Variants in IL18R1 observed in about 807,000 individuals in gnomAD.
The protein encoded by IL18R1 is interleukin-18 receptor 1.
Under a neutral mutation model 48.5 loss-of-function variants are expected in IL18R1, and 40 were observed. The observed-to-expected ratio is 0.82, with a 90% confidence interval of 0.64 to 1.07. The LOEUF is 1.07. IL18R1 is among the 50% of genes least tolerant of loss of function. The pLI, the probability that IL18R1 is intolerant of heterozygous loss-of-function variation, is 0.00. For missense variants in IL18R1, 596 were observed against 633.7 expected (o/e 0.94, Z 0.64); for synonymous variants, 232 against 225.9 (o/e 1.03, Z -0.24).
chr2:102,371,703 G>C (rs566616442), intron 3 of IL18R1, among the ~76,000 whole-genome samples: 50 of 152,194 alleles, frequency 3.3e-4, no homozygotes, highest in African/African-American at 9.4e-4. Flanking sequence ...GCGTGTGTGC[G>C]TGTGCATGTG....
intron 2 of IL18R1, among the ~76,000 whole-genome samples, chr2:102,363,617 T>G (rs559333821): frequency 1.3e-5 from 2 of 152,140 alleles, no homozygotes; most frequent in Non-Finnish European, 2.9e-5. Flanking sequence ...GGACATACAC[T>G]AATAGCCTTA....
At chr2:102,389,554 G>A (rs1242720179) in intron 8 of IL18R1, among the ~76,000 whole-genome samples, 2 of 152,202 alleles carry the variant, frequency 1.3e-5, no homozygotes, top group Non-Finnish European at 2.9e-5. Context: ...TGTAAGTGAA[G>A]CAGTTAGTAT....
chr2:102,387,992 G>C (rs1680337661), intron 8 of IL18R1, among the ~76,000 whole-genome samples: 1 of 152,090 alleles, frequency 6.6e-6, no homozygotes, highest in Non-Finnish European at 1.5e-5. Flanking sequence ...ATGAAGGGAT[G>C]CAAATACAGA....
intron 5 of IL18R1, among the ~76,000 whole-genome samples, chr2:102,376,682 TGGTGGGAGGGGAGGGATGATGGA>T: frequency 6.6e-6 from 1 of 152,076 alleles, no homozygotes; most frequent in African/African-American, 2.4e-5. Flanking sequence ...ACTGATGTGC[TGGTGGGAGGGGAGGGATGATGGA>T]CCCAGGCTGT....
At chr2:102,374,721 C>T (rs6731154) in intron 4 of IL18R1, among the ~76,000 whole-genome samples, 117,188 of 151,350 alleles carry the variant, frequency 0.77, 46,348 homozygotes, top group African/African-American at 0.89. Context: ...GAGGTTGCAG[C>T]GAGCCGAGAC....
intron 9 of IL18R1, among the ~76,000 whole-genome samples, chr2:102,393,571 A>G (rs931947641): frequency 9.2e-5 from 14 of 152,228 alleles, no homozygotes; most frequent in Non-Finnish European, 1.9e-4. Flanking sequence ...ACATAGATCT[A>G]GAATGGTTTT....
intron 7 of IL18R1, among the ~76,000 whole-genome samples, chr2:102,386,594 C>T (rs1228608437): frequency 6.6e-6 from 1 of 152,210 alleles, no homozygotes; most frequent in East Asian, 1.9e-4. Flanking sequence ...ATATTTTCAA[C>T]TTAGCATCAT....
At chr2:102,389,486 G>T (rs770079951) in intron 8 of IL18R1, among the ~76,000 whole-genome samples, 13 of 152,148 alleles carry the variant, frequency 8.5e-5, no homozygotes, top group Non-Finnish European at 1.3e-4. Context: ...AGAGCTGTGT[G>T]CTGTATTAAC....
chr2:102,362,926 T>C (rs1678667799), intron 2 of IL18R1: 1 of 377,890 alleles, frequency 2.6e-6, no homozygotes, highest in Non-Finnish European at 4.7e-6. Context: ...ATTTATTTCA[T>C]GTTATTTGAA....
At chr2:102,392,344 G>A (rs1256536202) in intron 9 of IL18R1, among the ~76,000 whole-genome samples, 1 of 152,180 alleles carries the variant, frequency 6.6e-6, no homozygotes, top group African/African-American at 2.4e-5. Context: ...ATAGGCCAGT[G>A]TTTGTCTTCA....
intron 1 of IL18R1, among the ~76,000 whole-genome samples, chr2:102,356,913 GCA>G (rs1678283940): frequency 6.6e-6 from 1 of 152,132 alleles, no homozygotes; most frequent in African/African-American, 2.4e-5. Flanking sequence ...CCAGCACCTT[GCA>G]TCGCAGTTAT....
intron 1 of IL18R1, among the ~76,000 whole-genome samples, chr2:102,361,512 G>A (rs1318943046): frequency 1.3e-5 from 2 of 152,210 alleles, no homozygotes; most frequent in African/African-American, 4.8e-5. Context: ...ATTCTGAGCT[G>A]AGAAGCTGCC....
rs1189118809 is a variant in IL18R1, at chr2:102,390,059, A to G, written c.953A>G (p.Asp318Gly). 6.2e-7 allele frequency: 1 copy of G among 1,613,814 alleles called. No homozygotes were observed. Among genetic ancestry groups the G allele is most frequent in the Non-Finnish European group, 8.5e-7 (1 of 1,179,936 alleles). Reference protein sequence around the residue: ...TKSFILVRKADMADIPGHVFT... With the variant: ...TKSFILVRKAGMADIPGHVFT... ...CCTTTTTCCCTTTCTTTTCTAGCAGACATGGCTGATATCCCAGGCCACGTC... is the reference window on the plus strand; with the variant it reads ...CCTTTTTCCCTTTCTTTTCTAGCAGGCATGGCTGATATCCCAGGCCACGTC... The change falls in exon 9 of 11, where the codon GAC becomes GGC. Residue 318 changes from aspartate to glycine, a missense_variant. Physicochemically the swap from Asp to Gly is moderately conservative, Grantham distance 94. This residue lies in a region of IL18R1 where 57 missense variants were observed against 88.2 expected (regional missense o/e 0.65). Transcript: ENST00000233957.
At chr2:102,381,777 A>T (rs1452095233) in intron 6 of IL18R1, 95 bp downstream of exon 6, 3 of 800,890 alleles carry the variant, frequency 3.7e-6, no homozygotes, top group Non-Finnish European at 6.3e-6. Flanking sequence ...ATGACACTGG[A>T]TACACATTTC....
intron 4 of IL18R1, 147 bp from the exon 5 acceptor site, chr2:102,375,760 C>G (rs1411269115): frequency 1.9e-6 from 1 of 518,206 alleles, no homozygotes; most frequent in Admixed American, 4.0e-5. Flanking sequence ...AAAAGTAGTA[C>G]CAAGTAACTG....
At chr2:102,357,098 G>C (rs935514115) in intron 1 of IL18R1, among the ~76,000 whole-genome samples, 1 of 152,312 alleles carries the variant, frequency 6.6e-6, no homozygotes, top group South Asian at 2.1e-4. Flanking sequence ...CCTTGGATGG[G>C]CTAGGAGGGG....
chr2:102,370,025 C>G (rs879266325), intron 3 of IL18R1, among the ~76,000 whole-genome samples: 1 of 152,220 alleles, frequency 6.6e-6, no homozygotes, highest in African/African-American at 2.4e-5. Flanking sequence ...TGAGCAGCCT[C>G]AGAAGTGGGG....
At position 102,397,261 on chromosome 2, in the gene IL18R1, C is replaced by T. The variant is rs11465657; in HGVS notation, c.*375C>T. ...AGAGTTTTAATGCCAGTGCTTAATT[C>T]GAATGAGGGGATTTTAAGTGTCTGA... On this transcript the variant is annotated 3_prime_UTR_variant, in exon 11 of 11. Transcript: ENST00000233957. 1.7e-4 allele frequency: 29 copies of T among 172,540 alleles called. 1 individual carries two copies. In the Middle Eastern group the frequency reaches 0.014, roughly 84 times the overall value. The allele number at this position is 172,540 out of a possible 1,614,324, so 10.7% of individuals were successfully genotyped here.
At chr2:102,390,934 CAAA>C (rs57709990) in intron 9 of IL18R1, among the ~76,000 whole-genome samples, 2 of 80,264 alleles carry the variant, frequency 2.5e-5, no homozygotes, top group South Asian at 4.3e-4. Context: ...GACTCCGTCT[CAAA>C]AAAAAAAAAA....
Sources: allele counts gnomAD v4.1 joint callset (sites outside exome capture counted in the v4.1 genomes callset), GRCh38; gene constraint gnomAD v4.1.1; regional missense constraint gnomAD v4.1.1; transcripts MANE v1.5; gene names NCBI Gene and HGNC (gene_info 2026-07-23, HGNC 2026-07-21).